Variants in INTS9 observed in about 807,000 individuals in gnomAD.
INTS9 encodes the protein protein related to CPSF subunits of 74 kDa.
A neutral mutation model predicts 79.7 loss-of-function variants in INTS9; 55 were observed. The observed-to-expected ratio is 0.69, with a 90% CI of 0.56 to 0.86. INTS9 has a LOEUF of 0.86. Ranked by LOEUF, INTS9 falls within the 40% of genes least tolerant of loss-of-function variation. INTS9 has a pLI of 0.00. For missense variants in INTS9, 721 were observed against 831.5 expected (o/e 0.87, Z 1.64); for synonymous variants, 319 against 325.2 (o/e 0.98, Z 0.20).
intron 1 of INTS9, among the ~76,000 whole-genome samples, chr8:28,882,277 A>G (rs1310306240): frequency 7.5e-6 from 1 of 134,024 alleles, no homozygotes; most frequent in African/African-American, 2.6e-5. Context: ...AAGAGTCATC[A>G]CCACTCCCTA....
intron 6 of INTS9, among the ~76,000 whole-genome samples, chr8:28,822,105 T>G (rs1033289765): frequency 6.6e-6 from 1 of 152,000 alleles, no homozygotes; most frequent in Non-Finnish European, 1.5e-5. Flanking sequence ...ATCAGAAGAA[T>G]TGATGTCAAA....
intron 12 of INTS9, among the ~76,000 whole-genome samples, chr8:28,779,941 C>T (rs1803144238): frequency 2.6e-5 from 4 of 152,054 alleles, no homozygotes; most frequent in African/African-American, 9.7e-5. Flanking sequence ...TGCCTGGTGC[C>T]CAGAGTGACC....
At chr8:28,863,128 C>T (rs1004558505) in intron 1 of INTS9, among the ~76,000 whole-genome samples, 7 of 152,094 alleles carry the variant, frequency 4.6e-5, no homozygotes, top group African/African-American at 7.3e-5. Context: ...TATTCTACAG[C>T]GGCATTCACT....
intron 1 of INTS9, among the ~76,000 whole-genome samples, chr8:28,873,605 G>A (rs1422248185): frequency 1.3e-5 from 2 of 152,194 alleles, no homozygotes; most frequent in East Asian, 3.9e-4. Context: ...TGGTGGAAAT[G>A]TTCTATATCT....
chr8:28,780,892 G>A lies in INTS9; in HGVS notation c.1201C>T (p.Arg401Cys), dbSNP rs764872038. The A allele has an allele frequency of 1.5e-5, 25 of 1,614,056 alleles. No individual in the cohort carries two copies. Among genetic ancestry groups the A allele is most frequent in the Admixed American group, 5.0e-5 (3 of 60,006 alleles). ...ATGAAGTGGACCACGTCCCCGAAGC[G>A]GAGGGAAGGGTGCCCGGTGAACACC... is the stretch of plus-strand genomic sequence containing the variant. ...CVVFTGHPSL[R>C]FGDVVHFMEL... The change falls in exon 12 of 17, where the codon CGC becomes TGC. Residue 401 changes from arginine (R) to cysteine (C), a missense_variant. Arg to Cys is a radical substitution (Grantham distance 180). This residue lies in a region of INTS9 where 149 missense variants were observed against 223.7 expected (regional missense o/e 0.67). Coordinates refer to ENST00000521022, the MANE Select transcript of INTS9 (RefSeq NM_018250.4).
chr8:28,771,198 AT>A (rs749937782), intron 14 of INTS9, 118 bp from the exon 15 acceptor site: 38,888 of 581,574 alleles, frequency 0.067, no homozygotes, highest in East Asian at 0.088. Context: ...AAGGTAAACA[AT>A]TTTTTTTTTT....
At chr8:28,780,486 CTG>C (rs2130892553) in intron 12 of INTS9, 1 of 985,406 alleles carries the variant, frequency 1.0e-6, no homozygotes, top group African/African-American at 1.7e-5. Context: ...AGATCTACCT[CTG>C]TAAACAATTC....
At chr8:28,785,105 A>G (rs1803504283) in intron 11 of INTS9, among the ~76,000 whole-genome samples, 1 of 152,264 alleles carries the variant, frequency 6.6e-6, no homozygotes, top group Non-Finnish European at 1.5e-5. Context: ...GCAGGATCAC[A>G]GAAATCATGC....
At position 28,820,815 on chromosome 8, in the gene INTS9, T is replaced by C. The variant is rs73669454; in HGVS notation, c.489-7203A>G. On this transcript the variant is annotated intron_variant, in intron 6 of 16. Coordinates refer to ENST00000521022, the MANE Select transcript of INTS9 (RefSeq NM_018250.4). ...GCATGGGCCAGTAGTGAGCATTAAA[T>C]ATACAGTTACTAGTAGCTGACAGAC... Among the ~76,000 whole-genome samples, 1,384 of 152,186 alleles carry C rather than the reference T, an allele frequency of 9.1e-3. 20 individuals are homozygous for C. The highest frequency in any genetic ancestry group is 0.03 in the African/African-American group (1,259 of 41,510).
intron 8 of INTS9, among the ~76,000 whole-genome samples, chr8:28,810,733 A>G (rs1461962274): frequency 6.6e-6 from 1 of 152,172 alleles, no homozygotes; most frequent in East Asian, 1.9e-4. Context: ...TTACAAACAT[A>G]GAAATAACCA....
chr8:28,818,495 A>C (rs1805634315), intron 6 of INTS9, among the ~76,000 whole-genome samples: 1 of 152,206 alleles, frequency 6.6e-6, no homozygotes, highest in Non-Finnish European at 1.5e-5. Flanking sequence ...CATCCCAGGG[A>C]TGAAGCCCAC....
chr8:28,826,411 T>C (rs1806143553), intron 6 of INTS9, among the ~76,000 whole-genome samples: 1 of 151,958 alleles, frequency 6.6e-6, no homozygotes, highest in Non-Finnish European at 1.5e-5. Flanking sequence ...TGAGAGGTGG[T>C]GAAAAAAATC....
chr8:28,826,094 A>C (rs1053297874), intron 6 of INTS9, among the ~76,000 whole-genome samples: 2 of 152,200 alleles, frequency 1.3e-5, no homozygotes, highest in African/African-American at 2.4e-5. Context: ...GATTTTTGCT[A>C]ATCAGATACA....
chr8:28,773,398 A>C (rs929707068), intron 14 of INTS9, among the ~76,000 whole-genome samples: 11 of 147,296 alleles, frequency 7.5e-5, no homozygotes, highest in Non-Finnish European at 3.0e-5. Context: ...TGGGAGGCGG[A>C]GCTTGCAGTG....
chr8:28,832,073 G>GT (rs1806523391), intron 6 of INTS9, among the ~76,000 whole-genome samples: 2 of 152,136 alleles, frequency 1.3e-5, no homozygotes, highest in South Asian at 4.1e-4. Flanking sequence ...ACTATAAAGG[G>GT]TTTACATTTA....
At chr8:28,832,890 G>GT (rs1806577979) in intron 6 of INTS9, among the ~76,000 whole-genome samples, 1 of 151,994 alleles carries the variant, frequency 6.6e-6, no homozygotes, top group South Asian at 2.1e-4. Flanking sequence ...TGAACCTTGG[G>GT]AGGCAGGGGT....
Position 28,813,545 on chromosome 8 carries a change from C to T in INTS9, c.556G>A (p.Glu186Lys). The T allele has an allele frequency of 6.2e-7, 1 of 1,613,618 alleles. No homozygotes were observed. The highest frequency in any genetic ancestry group is 8.5e-7 in the Non-Finnish European group (1 of 1,179,514). ...ATTTTACTAAGGGCAGAGTTCACCT[C>T]TTGCATTGTATAGCATCTTCTCCAG... is the stretch of plus-strand genomic sequence containing the variant. ...STWRRCYTMQ[E>K]VNSALSKIQL... The change falls in exon 7 of 17, where the codon GAG becomes AAG. Residue 186 changes from glutamate (E) to lysine (K), a missense_variant. By Grantham distance (56) the Glu-to-Lys change is moderately conservative (BLOSUM62 1). Transcript: ENST00000521022.
At chr8:28,841,710 A>G (rs1807195416) in intron 4 of INTS9, among the ~76,000 whole-genome samples, 1 of 152,224 alleles carries the variant, frequency 6.6e-6, no homozygotes, top group South Asian at 2.1e-4. Context: ...CCTGAATAAC[A>G]TATTTAACAC....
chr8:28,856,314 T>A (rs1344165069), intron 2 of INTS9, among the ~76,000 whole-genome samples: 1 of 152,212 alleles, frequency 6.6e-6, no homozygotes, highest in Non-Finnish European at 1.5e-5. Flanking sequence ...TACCATTTAC[T>A]AAGATAGGAA....
Sources: gnomAD v4.1 joint callset for allele counts (sites outside exome capture counted in the v4.1 genomes callset) on GRCh38, gnomAD v4.1.1 for gene constraint, gnomAD v4.1.1 regional missense constraint, MANE v1.5 for transcripts, NCBI Gene and HGNC (gene_info 2026-07-23, HGNC 2026-07-21) for gene names.